TCF12: variants seen among roughly 807,000 people sequenced by gnomAD.
TCF12 encodes DNA-binding protein HTF4.
TCF12 carries 45 observed loss-of-function variants against 86.0 expected under a neutral mutation model. That is an observed-to-expected ratio of 0.52 (90% CI 0.41 to 0.67). The LOEUF is 0.67. TCF12 is among the 30% of genes least tolerant of loss of function. The pLI, the probability that TCF12 is intolerant of heterozygous loss-of-function variation, is 0.00. For synonymous variants in TCF12, 330 were observed against 299.6 expected, an observed-to-expected ratio of 1.10 and a Z score of -1.05; for missense variants, 881 against 859.9, an observed-to-expected ratio of 1.02 and a Z score of -0.31.
intron 5 of TCF12, among the ~76,000 whole-genome samples, chr15:57,162,609 T>C (rs1349682069): frequency 6.6e-6 from 1 of 152,232 alleles, no homozygotes; most frequent in Non-Finnish European, 1.5e-5. Context: ...CTTCAGCTTA[T>C]GTTAAATTAG....
intron 3 of TCF12, among the ~76,000 whole-genome samples, chr15:56,956,979 A>G (rs1388759323): frequency 6.6e-6 from 1 of 152,162 alleles, no homozygotes; most frequent in Non-Finnish European, 1.5e-5. Context: ...GAAAGGTGTG[A>G]TGTTTAAGAG....
rs377207602 is a variant in TCF12 at position 57,025,133 on chromosome 15, G to T, written c.149-38617G>T. 1.6e-4 allele frequency among the ~76,000 whole-genome samples: 25 copies of T among 152,008 alleles called. No individual in the cohort carries two copies. The South Asian group carries it at 3.9e-3, about 24-fold the overall frequency. On this transcript the variant is annotated intron_variant, in intron 3 of 20. Coordinates refer to ENST00000333725, the MANE Select transcript of TCF12 (RefSeq NM_207037.2). ...CTCGCTCTGTCGCCCAGGCTGGAGTGCAGTGGCACGATCGCAGCTCATTGC... is the reference window on the plus strand; with the variant it reads ...CTCGCTCTGTCGCCCAGGCTGGAGTTCAGTGGCACGATCGCAGCTCATTGC...
chr15:57,056,909 T>C (rs2068076582), intron 3 of TCF12, among the ~76,000 whole-genome samples: 1 of 152,216 alleles, frequency 6.6e-6, no homozygotes, highest in Non-Finnish European at 1.5e-5. Context: ...TTGGGTCATC[T>C]TGCTGTTGGC....
In TCF12 at chr15:57,133,202, T is replaced by TTGATC. The variant is rs1355178575; in HGVS notation, c.326-33196_326-33192dup. On this transcript the variant is annotated intron_variant, in intron 5 of 20. Coordinates refer to ENST00000333725, the MANE Select transcript of TCF12 (RefSeq NM_207037.2). Reference sequence around the variant, plus strand: ...TGTGGCAGAATGAATCATGTTACCATTGATCTGAGCCTGAACAGAATAGCC... The same window carrying TTGATC: ...TGTGGCAGAATGAATCATGTTACCATTGATCTGATCTGAGCCTGAACAGAATAGCC... Among the ~76,000 whole-genome samples the TTGATC allele has an allele frequency of 2.6e-5, 4 of 152,360 alleles. No individual in the cohort carries two copies. The East Asian group carries it at 7.7e-4, about 29-fold the overall frequency.
At chr15:57,279,574 C>G (rs2061583946) in intron 19 of TCF12, among the ~76,000 whole-genome samples, 1 of 152,146 alleles carries the variant, frequency 6.6e-6, no homozygotes, top group Admixed American at 6.5e-5. Context: ...TTCCTAGAGT[C>G]TGCCATAGTA....
At chr15:57,059,549 G>T (rs2068292732) in intron 3 of TCF12, among the ~76,000 whole-genome samples, 1 of 152,074 alleles carries the variant, frequency 6.6e-6, no homozygotes, top group South Asian at 2.1e-4. Context: ...AGTCTTTAGT[G>T]ATAGGTCTGG....
chr15:56,950,770 T>TG (rs2061233922), intron 3 of TCF12, among the ~76,000 whole-genome samples: 2 of 120,554 alleles, frequency 1.7e-5, no homozygotes, highest in African/African-American at 5.9e-5. Context: ...TTTTTTTTTT[T>TG]TTTAAGTTAG....
intron 3 of TCF12, among the ~76,000 whole-genome samples, chr15:56,961,533 A>G (rs1490698740): frequency 2.0e-5 from 3 of 152,218 alleles, no homozygotes; most frequent in Non-Finnish European, 2.9e-5. Context: ...TATTATGCAT[A>G]TGGTAAATGT....
intron 3 of TCF12, among the ~76,000 whole-genome samples, chr15:57,057,252 T>A (rs2068100747): frequency 6.6e-6 from 1 of 152,218 alleles, no homozygotes; most frequent in Non-Finnish European, 1.5e-5. Flanking sequence ...TTTCTGGCCT[T>A]CTCCCTTTTG....
At chr15:56,988,121 T>A (rs919148127) in intron 3 of TCF12, among the ~76,000 whole-genome samples, 3 of 152,218 alleles carry the variant, frequency 2.0e-5, no homozygotes, top group Non-Finnish European at 4.4e-5. Flanking sequence ...TAATTGTACC[T>A]TTTAGCAGAA....
chr15:57,048,494 C>G (rs1200508612), intron 3 of TCF12, among the ~76,000 whole-genome samples: 1 of 152,102 alleles, frequency 6.6e-6, no homozygotes. Context: ...ATCTCCTGAC[C>G]TCATGATCTG....
At chr15:57,026,710 T>C (rs1391682173) in intron 3 of TCF12, among the ~76,000 whole-genome samples, 1 of 152,142 alleles carries the variant, frequency 6.6e-6, no homozygotes, top group Non-Finnish European at 1.5e-5. Flanking sequence ...TTACATAATA[T>C]GTATTTTATT....
intron 4 of TCF12, among the ~76,000 whole-genome samples, chr15:57,077,361 G>A (rs1453070159): frequency 1.0e-4 from 3 of 28,814 alleles, no homozygotes; most frequent in African/African-American, 1.0e-4. Context: ...GTGTGTGTGT[G>A]TGTGTGTGTG....
rs1223144629 is a variant in TCF12 at position 56,989,248 on chromosome 15, A to G, written c.148+68150A>G. On this transcript the variant is annotated intron_variant, in intron 3 of 20. Coordinates refer to ENST00000333725, the MANE Select transcript of TCF12 (RefSeq NM_207037.2). Reference sequence around the variant, plus strand: ...GCAGAGAATGGTGTTTGCATTTTAAATGGTTATAGTTTAAATGGTTATGAG... The same window carrying G: ...GCAGAGAATGGTGTTTGCATTTTAAGTGGTTATAGTTTAAATGGTTATGAG... Among the ~76,000 whole-genome samples, 4 of 152,170 alleles carry G rather than the reference A, an allele frequency of 2.6e-5. No individual in the cohort carries two copies. The East Asian group carries it at 7.7e-4, about 29-fold the overall frequency.
chr15:57,137,750 C>T (rs375287761), intron 5 of TCF12, among the ~76,000 whole-genome samples: 2 of 152,070 alleles, frequency 1.3e-5, no homozygotes, highest in Non-Finnish European at 2.9e-5. Flanking sequence ...AATATTAGGT[C>T]GGGCACGGTG....
At chr15:57,239,484 T>G (rs567908149) in intron 12 of TCF12, among the ~76,000 whole-genome samples, 18 of 137,804 alleles carry the variant, frequency 1.3e-4, no homozygotes, top group African/African-American at 4.2e-4. Flanking sequence ...CCACTGCACT[T>G]CAGCCTGGGC....
intron 5 of TCF12, among the ~76,000 whole-genome samples, chr15:57,129,385 A>T (rs2051933837): frequency 6.6e-6 from 1 of 151,904 alleles, no homozygotes; most frequent in Admixed American, 6.6e-5. Flanking sequence ...ACATTGCAAA[A>T]CCCCATCTCT....
At chr15:57,047,126 G>T (rs1567314970) in intron 3 of TCF12, among the ~76,000 whole-genome samples, 1 of 152,156 alleles carries the variant, frequency 6.6e-6, no homozygotes, top group Admixed American at 6.5e-5. Context: ...CATACTTAAG[G>T]AAATACTGTC....
At chr15:57,128,272 T>C (rs1477865889) in intron 5 of TCF12, among the ~76,000 whole-genome samples, 1 of 152,196 alleles carries the variant, frequency 6.6e-6, no homozygotes, top group African/African-American at 2.4e-5. Flanking sequence ...GAGAAACAGG[T>C]AGCTTTATTA....
Sources: gnomAD v4.1 joint callset for allele counts (sites outside exome capture counted in the v4.1 genomes callset) on GRCh38, gnomAD v4.1.1 for gene constraint, MANE v1.5 for transcripts, NCBI Gene and HGNC (gene_info 2026-07-23, HGNC 2026-07-21) for gene names.